The following FNDC3B variants were observed in gnomAD, a reference collection of about 807,000 sequenced individuals.
FNDC3B encodes fibronectin type III domain-containing protein 3B.
FNDC3B carries 12 observed loss-of-function variants against 151.5 expected under a neutral mutation model. That is an observed-to-expected ratio of 0.08 (90% CI 0.05 to 0.13). The LOEUF (loss-of-function observed/expected upper bound fraction) is 0.13. Among genes scored for constraint, FNDC3B ranks in the 10% least tolerant of loss-of-function variants. The pLI, the probability that FNDC3B is intolerant of heterozygous loss-of-function variation, is 1.00. For missense variants in FNDC3B, 1,214 were observed against 1,505.3 expected (o/e 0.81, Z 3.20); for synonymous variants, 528 against 549.0 (o/e 0.96, Z 0.54).
chr3:172,395,420 A>T (rs1736225304), intron 25 of FNDC3B, among the ~76,000 whole-genome samples: 1 of 152,202 alleles, frequency 6.6e-6, no homozygotes, highest in South Asian at 2.1e-4. Context: ...AAATGTGATA[A>T]TGTCTAAGTA....
intron 10 of FNDC3B, among the ~76,000 whole-genome samples, chr3:172,309,615 C>T (rs187187830): frequency 1.3e-5 from 2 of 152,212 alleles, no homozygotes; most frequent in South Asian, 2.1e-4. Flanking sequence ...TTTTGGGACT[C>T]AGAGATTGTG....
At chr3:172,344,691 C>T (rs191297921) in intron 19 of FNDC3B, among the ~76,000 whole-genome samples, 2 of 152,318 alleles carry the variant, frequency 1.3e-5, no homozygotes, top group Admixed American at 6.5e-5. Context: ...TGGCCAGGGA[C>T]ACCAGCTTGT....
At chr3:172,248,680 A>T (rs572489232) in intron 5 of FNDC3B, among the ~76,000 whole-genome samples, 18 of 148,088 alleles carry the variant, frequency 1.2e-4, no homozygotes, top group Non-Finnish European at 2.7e-4. Context: ...TTTAAGAATT[A>T]TATATATATA....
At chr3:172,144,005 A>G (rs998739207) in intron 3 of FNDC3B, among the ~76,000 whole-genome samples, 4 of 152,162 alleles carry the variant, frequency 2.6e-5, no homozygotes, top group African/African-American at 4.8e-5. Context: ...GTAAAGAAAT[A>G]CTTGAGACTG....
chr3:172,215,879 G>C (rs1043088226), intron 3 of FNDC3B, among the ~76,000 whole-genome samples: 4 of 151,092 alleles, frequency 2.6e-5, no homozygotes, highest in Non-Finnish European at 5.9e-5. Context: ...AAATAGCCTT[G>C]TTCTGATAAG....
chr3:172,179,293 C>G (rs936170974), intron 3 of FNDC3B, among the ~76,000 whole-genome samples: 3 of 152,124 alleles, frequency 2.0e-5, no homozygotes, highest in Non-Finnish European at 2.9e-5. Flanking sequence ...AACTCCTGAC[C>G]TCAGGTGATC....
At position 172,112,478 on chromosome 3, in the gene FNDC3B, G is replaced by A; in HGVS notation, c.-2G>A. ...AAGCCAGTTGAGGGAAGTTCTCCAT[G>A]AATGTACGTCACAATGATGATGACC... On this transcript the variant is annotated 5_prime_UTR_variant, in exon 2 of 26. The change abolishes an upstream ATG in the 5' untranslated region. Coordinates refer to ENST00000415807, the MANE Select transcript of FNDC3B (RefSeq NM_022763.4). 6.2e-7 allele frequency: 1 copy of A among 1,610,880 alleles called. No homozygotes were observed. The highest frequency in any genetic ancestry group is 8.5e-7 in the Non-Finnish European group (1 of 1,177,048).
intron 3 of FNDC3B, among the ~76,000 whole-genome samples, chr3:172,197,764 C>T (rs1445417390): frequency 6.6e-6 from 1 of 152,180 alleles, no homozygotes; most frequent in Non-Finnish European, 1.5e-5. Context: ...CCATCTTTGG[C>T]AGGAACATCA....
chr3:172,218,658 G>C (rs956727173), intron 3 of FNDC3B, among the ~76,000 whole-genome samples: 2 of 152,192 alleles, frequency 1.3e-5, no homozygotes, highest in Non-Finnish European at 2.9e-5. Flanking sequence ...AACAACCCTT[G>C]AAATTAGCAG....
chr3:172,365,926 A>G (rs537695920), intron 23 of FNDC3B, among the ~76,000 whole-genome samples: 2 of 152,348 alleles, frequency 1.3e-5, no homozygotes, highest in Admixed American at 6.5e-5. Context: ...TCCTTAATTC[A>G]TTAAATAAAG....
chr3:172,128,996 C>A (rs1347365838), intron 2 of FNDC3B, among the ~76,000 whole-genome samples: 2 of 152,126 alleles, frequency 1.3e-5, no homozygotes, highest in African/African-American at 4.8e-5. Flanking sequence ...GGGAGACAGT[C>A]TTGCTCTGTT....
At chr3:172,253,373 C>T (rs908135925) in intron 6 of FNDC3B, among the ~76,000 whole-genome samples, 6 of 152,048 alleles carry the variant, frequency 3.9e-5, no homozygotes, top group African/African-American at 9.7e-5. Context: ...ATAGTGTAGA[C>T]GAAGAATAAA....
intron 2 of FNDC3B, among the ~76,000 whole-genome samples, chr3:172,120,163 G>A (rs969318216): frequency 4.6e-5 from 7 of 152,192 alleles, no homozygotes; most frequent in Non-Finnish European, 8.8e-5. Context: ...AGCTGTCTGG[G>A]TTGAGAGACA....
intron 8 of FNDC3B, 123 bp from the exon 9 acceptor site, chr3:172,298,605 T>C (rs1338397755): frequency 5.7e-6 from 3 of 526,484 alleles, no homozygotes; most frequent in Non-Finnish European, 1.0e-5. Flanking sequence ...ATTTCTGGTT[T>C]ATGGTGGAAT....
intron 2 of FNDC3B, among the ~76,000 whole-genome samples, chr3:172,122,479 T>C (rs58420382): frequency 0.055 from 8,357 of 152,316 alleles, 787 homozygotes; most frequent in African/African-American, 0.19. Flanking sequence ...GCTTTAATGT[T>C]ACAATAACTT....
chr3:172,181,724 G>A (rs1723916264), intron 3 of FNDC3B, among the ~76,000 whole-genome samples: 1 of 150,936 alleles, frequency 6.6e-6, no homozygotes, highest in Admixed American at 6.6e-5. Flanking sequence ...AGCTACTTGG[G>A]AGGCTGAGGC....
At chr3:172,153,774 A>G (rs9868235) in intron 3 of FNDC3B, among the ~76,000 whole-genome samples, 115,131 of 152,178 alleles carry the variant, frequency 0.76, 44,597 homozygotes, top group Non-Finnish European at 0.79. Context: ...GTCTGTCTCA[A>G]ACATCTGAGA....
intron 4 of FNDC3B, among the ~76,000 whole-genome samples, chr3:172,236,794 G>A (rs1006910600): frequency 6.6e-6 from 1 of 152,180 alleles, no homozygotes; most frequent in Non-Finnish European, 1.5e-5. Flanking sequence ...GACCTTGCTG[G>A]ACTTCCTTCT....
At chr3:172,107,855 G>C (rs886938106) in intron 1 of FNDC3B, among the ~76,000 whole-genome samples, 7 of 151,944 alleles carry the variant, frequency 4.6e-5, no homozygotes, top group Admixed American at 4.6e-4. Context: ...AAGGCCCTGA[G>C]ACTGGAGGGA....
Sources: gnomAD v4.1 joint callset for allele counts (sites outside exome capture counted in the v4.1 genomes callset) on GRCh38, gnomAD v4.1.1 for gene constraint, MANE v1.5 for transcripts, NCBI Gene and HGNC (gene_info 2026-07-23, HGNC 2026-07-21) for gene names.